Variants in HACL1 observed in about 807,000 individuals in gnomAD.
HACL1 encodes the protein 1600020H07Rik.
HACL1 carries 64 observed loss-of-function variants against 74.2 expected under a neutral mutation model. The ratio of observed to expected loss-of-function variants is 0.86; its 90% CI spans 0.70 to 1.06. The LOEUF is 1.06. Among genes scored for constraint, HACL1 ranks in the 50% least tolerant of loss-of-function variants. The probability of loss-of-function intolerance (pLI) is 0.00; values close to 1 mark genes in which losing one functional copy is unlikely to be tolerated. For missense variants in HACL1, 728 were observed against 719.7 expected (o/e 1.01, Z -0.13); for synonymous variants, 230 against 238.8 (o/e 0.96, Z 0.34).
intron 8 of HACL1, 150 bp from the exon 9 acceptor site, chr3:15,580,195 T>G (rs1181549989): frequency 3.2e-6 from 2 of 630,092 alleles, no homozygotes; most frequent in African/African-American, 1.9e-5. Flanking sequence ...TGGCATGATT[T>G]TGGCTCACTG....
intron 14 of HACL1, among the ~76,000 whole-genome samples, chr3:15,567,382 T>G (rs2063455558): frequency 6.6e-6 from 1 of 151,338 alleles, no homozygotes; most frequent in Non-Finnish European, 1.5e-5. Context: ...GCTAATTTTT[T>G]TTTTTTTTTG....
chr3:15,569,268 CA>C (rs1157820344), intron 12 of HACL1, among the ~76,000 whole-genome samples: 8 of 152,090 alleles, frequency 5.3e-5, no homozygotes, highest in Admixed American at 3.9e-4. Flanking sequence ...AGATTATACA[CA>C]AGGTAAAGAG....
chr3:15,599,211 C>T (rs2064129504), intron 2 of HACL1, among the ~76,000 whole-genome samples: 1 of 152,228 alleles, frequency 6.6e-6, no homozygotes, highest in South Asian at 2.1e-4. Context: ...GCTGTAAGCC[C>T]CTTAAAGCCA....
intron 3 of HACL1, among the ~76,000 whole-genome samples, 165 bp from the exon 4 acceptor site, chr3:15,591,845 G>GAT (rs998172089): frequency 8.0e-5 from 12 of 149,988 alleles, no homozygotes; most frequent in Admixed American, 2.7e-4. Context: ...AAAACAAGGC[G>GAT]ATATATATAT....
chr3:15,587,029 A>G (rs2063807603), intron 5 of HACL1, among the ~76,000 whole-genome samples: 1 of 152,178 alleles, frequency 6.6e-6, no homozygotes, highest in Non-Finnish European at 1.5e-5. Flanking sequence ...CTATTCTTAC[A>G]TTTCTGCCAG....
intron 16 of HACL1, among the ~76,000 whole-genome samples, chr3:15,561,549 A>C (rs2063347755): frequency 6.6e-6 from 1 of 152,252 alleles, no homozygotes; most frequent in Non-Finnish European, 1.5e-5. Flanking sequence ...AATATCCAGC[A>C]ATATCCAAAC....
chr3:15,590,042 A>G (rs1485528903), intron 4 of HACL1, among the ~76,000 whole-genome samples: 2 of 152,132 alleles, frequency 1.3e-5, no homozygotes, highest in East Asian at 1.9e-4. Flanking sequence ...CTCAAAAAAA[A>G]AGAAAGAAAT....
At chr3:15,592,453 C>CAG (rs2063946028) in intron 3 of HACL1, among the ~76,000 whole-genome samples, 1 of 132,946 alleles carries the variant, frequency 7.5e-6, no homozygotes, top group Non-Finnish European at 1.6e-5. Flanking sequence ...TATACATACA[C>CAG]ACACGTATAC....
chr3:15,591,548 T>C (rs369987581), intron 4 of HACL1, 52 bp downstream of exon 4: 155 of 1,068,644 alleles, frequency 1.5e-4, no homozygotes, highest in African/African-American at 1.0e-3. Context: ...CTCAGTAAAA[T>C]CCTGCAGTGA....
intron 8 of HACL1, 27 bp downstream of exon 8, chr3:15,582,850 C>T: frequency 8.7e-7 from 1 of 1,146,338 alleles, no homozygotes; most frequent in South Asian, 1.3e-5. Flanking sequence ...AAAAGCCTAG[C>T]AAGATTTAGA....
chr3:15,581,790 G>C (rs1013114492), intron 8 of HACL1, among the ~76,000 whole-genome samples: 1 of 152,160 alleles, frequency 6.6e-6, no homozygotes, highest in Non-Finnish European at 1.5e-5. Context: ...TCCCCAATAG[G>C]TAGGAACCAC....
At chr3:15,563,828 G>T (rs2063387494) in intron 15 of HACL1, among the ~76,000 whole-genome samples, 1 of 152,176 alleles carries the variant, frequency 6.6e-6, no homozygotes, top group South Asian at 2.1e-4. Flanking sequence ...CTTGAAATGT[G>T]ACTAAACTGA....
At chr3:15,574,616 A>G (rs1574918418) in intron 10 of HACL1, among the ~76,000 whole-genome samples, 1 of 152,324 alleles carries the variant, frequency 6.6e-6, no homozygotes, top group East Asian at 1.9e-4. Context: ...TCTGAAAGAA[A>G]ACCTCACTCC....
intron 9 of HACL1, among the ~76,000 whole-genome samples, chr3:15,578,832 C>A (rs1381417936): frequency 1.3e-5 from 2 of 151,958 alleles, no homozygotes; most frequent in Non-Finnish European, 2.9e-5. Flanking sequence ...GTTCAGAGGG[C>A]AGCTTTAGTT....
At chr3:15,590,648 T>C (rs2125275556) in intron 4 of HACL1, among the ~76,000 whole-genome samples, 1 of 152,320 alleles carries the variant, frequency 6.6e-6, no homozygotes, top group South Asian at 2.1e-4. Context: ...TTCCTACCTA[T>C]GCAAAACAAG....
chr3:15,585,427 T>A, intron 6 of HACL1, 85 bp from the exon 7 acceptor site: 1 of 778,218 alleles, frequency 1.3e-6, no homozygotes. Context: ...AACTGGAAAA[T>A]GAACACTTTT....
At chr3:15,597,381 A>C (rs2064086788) in intron 2 of HACL1, among the ~76,000 whole-genome samples, 1 of 152,028 alleles carries the variant, frequency 6.6e-6, no homozygotes, top group Non-Finnish European at 1.5e-5. Context: ...GATAGTTTTT[A>C]CCTTGTAACT....
At chr3:15,578,975 T>A (rs2063675059) in intron 9 of HACL1, among the ~76,000 whole-genome samples, 1 of 152,302 alleles carries the variant, frequency 6.6e-6, no homozygotes, top group African/African-American at 2.4e-5. Context: ...TGTCTGGGGC[T>A]CACCCCTGAG....
At chr3:15,565,858 G>C (rs9883346) in intron 14 of HACL1, among the ~76,000 whole-genome samples, 4,133 of 152,258 alleles carry the variant, frequency 0.027, 194 homozygotes, top group African/African-American at 0.092. Context: ...AAAAAAATTG[G>C]ATCTGTACTC....
Sources: gnomAD v4.1 joint callset for allele counts (sites outside exome capture counted in the v4.1 genomes callset) on GRCh38, gnomAD v4.1.1 for gene constraint, MANE v1.5 for transcripts, NCBI Gene and HGNC (gene_info 2026-07-23, HGNC 2026-07-21) for gene names.